SMAD7: variants seen among roughly 807,000 people sequenced by gnomAD.
The protein encoded by SMAD7 is SMAD family member 7, also known as MAD (mothers against decapentaplegic, Drosophila) homolog 7.
Under a neutral mutation model 38.7 loss-of-function variants are expected in SMAD7, and 8 were observed. The observed-to-expected ratio is 0.21, with a 90% CI of 0.12 to 0.37. The LOEUF (loss-of-function observed/expected upper bound fraction) is 0.37, where lower values mean the gene tolerates loss of function less well. Ranked by LOEUF, SMAD7 falls within the 10% of genes least tolerant of loss-of-function variation. SMAD7 has a pLI of 1.00. For missense variants in SMAD7, 477 were observed against 577.9 expected (o/e 0.83, Z 1.79); for synonymous variants, 327 against 265.1 (o/e 1.23, Z -2.27).
In SMAD7 at chr18:48,921,066, C is replaced by A. The variant is rs932704016; in HGVS notation, c.*306G>T. 7.6e-6 allele frequency: 3 copies of A among 393,920 alleles called. No individual in the cohort carries two copies. Among genetic ancestry groups the A allele is most frequent in the Admixed American group, 4.3e-5 (1 of 23,346 alleles). 24.4% of individuals were successfully genotyped at this position (393,920 alleles called of 1,614,324 possible). ...TGACAAGTGAAATGATGACCGCCCC[C>A]CTTCATACACTGTGTTTGGTGGTGC... On this transcript the variant is annotated 3_prime_UTR_variant, in exon 4 of 4. Coordinates refer to ENST00000262158, the MANE Select transcript of SMAD7 (RefSeq NM_005904.4). The surrounding 1 kb of genome is among the most constrained non-coding windows in gnomAD (Gnocchi z 6.4).
rs1321570381 is a variant in SMAD7, at chr18:48,920,250, T to A, written c.*1122A>T. ...CCTTTGTAGTTAGAAAAATAGCTTA[T>A]GTTAAAGTCTAAACATGCTCATTGA... On this transcript the variant is annotated 3_prime_UTR_variant, in exon 4 of 4. Coordinates refer to ENST00000262158, the MANE Select transcript of SMAD7 (RefSeq NM_005904.4). 1 of 152,676 alleles carries A rather than the reference T, an allele frequency of 6.5e-6. No individual in the cohort carries two copies. Among genetic ancestry groups the A allele is most frequent in the Non-Finnish European group, 1.5e-5 (1 of 68,038 alleles). 9.5% of individuals were successfully genotyped at this position (152,676 alleles called of 1,614,324 possible).
At chr18:48,922,679 C>A (rs191675405) in intron 3 of SMAD7, among the ~76,000 whole-genome samples, 1 of 152,264 alleles carries the variant, frequency 6.6e-6, no homozygotes. Flanking sequence ...CTTAACAAAG[C>A]TTCCTCCAGC....
At chr18:48,929,598 C>T (rs1378565466) in intron 3 of SMAD7, among the ~76,000 whole-genome samples, 2 of 150,484 alleles carry the variant, frequency 1.3e-5, no homozygotes, top group African/African-American at 4.9e-5. Flanking sequence ...CACACACACA[C>T]GTTAAAGCAT....
intron 3 of SMAD7, among the ~76,000 whole-genome samples, chr18:48,938,002 G>A (rs1568302914): frequency 6.6e-6 from 1 of 152,160 alleles, no homozygotes; most frequent in Non-Finnish European, 1.5e-5. Context: ...CCAGGCCCAG[G>A]TTCCCAGTTC....
intron 2 of SMAD7, 93 bp from the exon 3 acceptor site, chr18:48,942,648 A>AAACC: frequency 6.2e-7 from 1 of 1,600,274 alleles, no homozygotes; most frequent in Non-Finnish European, 8.5e-7. Flanking sequence ...CATGAAAGAC[A>AAACC]AACCACACAT....
chr18:48,934,183 C>T (rs1054233142), intron 3 of SMAD7, among the ~76,000 whole-genome samples: 2 of 152,164 alleles, frequency 1.3e-5, no homozygotes, highest in African/African-American at 4.8e-5. Context: ...CATATCACTC[C>T]TTCCTCCAAA....
At chr18:48,923,466 C>A (rs1312419256) in intron 3 of SMAD7, among the ~76,000 whole-genome samples, 1 of 151,334 alleles carries the variant, frequency 6.6e-6, no homozygotes, top group Admixed American at 6.6e-5. Flanking sequence ...TGGCTCCACT[C>A]AGTTGTTGTT....
chr18:48,942,934 G>GCT, intron 2 of SMAD7: 1 of 273,500 alleles, frequency 3.7e-6, no homozygotes, highest in Non-Finnish European at 6.3e-6. Flanking sequence ...AGGGCAGAAG[G>GCT]CTCTCTCCTT....
chr18:48,930,780 CAG>C (rs1421064370), intron 3 of SMAD7, among the ~76,000 whole-genome samples: 1 of 152,206 alleles, frequency 6.6e-6, no homozygotes, highest in East Asian at 1.9e-4. Flanking sequence ...AAATTAAACA[CAG>C]AATGACAGTG....
intron 3 of SMAD7, among the ~76,000 whole-genome samples, chr18:48,933,361 G>A (rs1020981178): frequency 6.6e-6 from 1 of 152,056 alleles, no homozygotes; most frequent in Non-Finnish European, 1.5e-5. Context: ...CCCTCCCGCC[G>A]GCTCCATCCC....
At chr18:48,932,220 C>T (rs908710749) in intron 3 of SMAD7, among the ~76,000 whole-genome samples, 1 of 152,136 alleles carries the variant, frequency 6.6e-6, no homozygotes, top group Non-Finnish European at 1.5e-5. Flanking sequence ...AGACACTTAA[C>T]AGCTTCATGA....
At position 48,921,489 on chromosome 18, in the gene SMAD7, C is replaced by T; in HGVS notation, c.1164G>A (p.Gln388=). The part of the protein sequence containing the change: ...QRPNDHEFMQ[Q]PWTGFTVQIS... ...TCTGCACGGTAAAGCCCGTCCACGGCTGCTGCATAAACTCGTGGTCATTGG... is the reference window on the plus strand; with the variant it reads ...TCTGCACGGTAAAGCCCGTCCACGGTTGCTGCATAAACTCGTGGTCATTGG... Residue 388 remains glutamine, a synonymous_variant, in exon 4 of 4, where the codon CAG becomes CAA. Transcript: ENST00000262158. This position sits in a 1 kb window ranked among gnomAD's most constrained non-coding sequence, Gnocchi z 6.4. 6 of 1,614,238 alleles carry T rather than the reference C, an allele frequency of 3.7e-6. No individual in the cohort carries two copies. The highest frequency in any genetic ancestry group is 2.2e-5 in the East Asian group (1 of 44,886).
rs1056058100 is a variant in SMAD7, at chr18:48,950,614, CGGGGCGCGCGCG to C, written c.-202_-191del. 1 of 300,230 alleles carries C rather than the reference CGGGGCGCGCGCG, an allele frequency of 3.3e-6. No homozygotes were observed. The highest frequency in any genetic ancestry group is 2.2e-5 in the African/African-American group (1 of 44,656). The allele number at this position is 300,230 out of a possible 1,614,324, so 18.6% of individuals were successfully genotyped here. On this transcript the variant is annotated 5_prime_UTR_variant, in exon 1 of 4. Transcript: ENST00000262158. ...TGGCATGCGCCAGTCTCCCGGAGGC[CGGGGCGCGCGCG>C]GGGGCCCGGGGGCGCCCGCCGGGGA...
At chr18:48,940,223 G>A (rs1599231809) in intron 3 of SMAD7, among the ~76,000 whole-genome samples, 1 of 152,158 alleles carries the variant, frequency 6.6e-6, no homozygotes. Flanking sequence ...GAAGCCTTTG[G>A]AATTAGTAAA....
In SMAD7 at chr18:48,949,753, G is replaced by A; in HGVS notation, c.613+59C>T. On this transcript the variant is annotated intron_variant, in intron 1 of 3. Transcript: ENST00000262158. Reference sequence around the variant, plus strand: ...GCTGCACAAACGCACTGCCCTAGGGGCTTTTCTTCCAGCACTGGCGCTCCG... The same window carrying A: ...GCTGCACAAACGCACTGCCCTAGGGACTTTTCTTCCAGCACTGGCGCTCCG... 3.3e-6 allele frequency: 5 copies of A among 1,505,918 alleles called. No individual in the cohort carries two copies. The South Asian group carries it at 6.7e-5, about 20-fold the overall frequency. The allele number at this position is 1,505,918 out of a possible 1,614,324, so 93.3% of individuals were successfully genotyped here.
chr18:48,946,476 G>A (rs2070197155), intron 2 of SMAD7, among the ~76,000 whole-genome samples: 1 of 152,038 alleles, frequency 6.6e-6, no homozygotes, highest in African/African-American at 2.4e-5. Flanking sequence ...CTCCAATGTG[G>A]CAGGACAATT....
intron 3 of SMAD7, among the ~76,000 whole-genome samples, chr18:48,937,490 A>G (rs1040676707): frequency 6.6e-6 from 1 of 152,124 alleles, no homozygotes; most frequent in Non-Finnish European, 1.5e-5. Context: ...GAGATTTTAA[A>G]TGCTGTCACC....
At position 48,950,570 on chromosome 18, in the gene SMAD7, C is replaced by T. The variant is rs1352555584; in HGVS notation, c.-146G>A. The T allele has an allele frequency of 2.9e-6, 2 of 700,270 alleles. No individual in the cohort carries two copies. Among genetic ancestry groups the T allele is most frequent in the Non-Finnish European group, 4.1e-6 (2 of 485,096 alleles). The allele number at this position is 700,270 out of a possible 1,614,324, so 43.4% of individuals were successfully genotyped here. On this transcript the variant is annotated 5_prime_UTR_variant, in exon 1 of 4. Coordinates refer to ENST00000262158, the MANE Select transcript of SMAD7 (RefSeq NM_005904.4). Reference sequence around the variant, plus strand: ...GCAGGGGCCCGGGCAGGAGCGGCGGCGGCCCGAGGGGCGCTCCGTGGCATG... The same window carrying T: ...GCAGGGGCCCGGGCAGGAGCGGCGGTGGCCCGAGGGGCGCTCCGTGGCATG...
At position 48,950,297 on chromosome 18, in the gene SMAD7, G is replaced by C; in HGVS notation, c.128C>G (p.Thr43Arg). The C allele has an allele frequency of 6.5e-7, 1 of 1,531,248 alleles. No individual in the cohort carries two copies. Among genetic ancestry groups the C allele is most frequent in the Non-Finnish European group, 8.8e-7 (1 of 1,140,230 alleles). The allele number at this position is 1,531,248 out of a possible 1,614,324, so 94.9% of individuals were successfully genotyped here. A position where few individuals can be genotyped will look rare whatever the true frequency, so the allele number is the denominator to read the frequency against. Residue 43 changes from threonine (T) to arginine (R), a missense_variant, in exon 1 of 4, where the codon ACG becomes AGG. Physicochemically the swap from Thr to Arg is moderately conservative, Grantham distance 71. Transcript: ENST00000262158. ...GGGELRGEGA[T>R]DSRAHGAGGG... ...ACCGGCCCCATGCGCTCGGCTGTCC[G>C]TCGCCCCTTCTCCCCGCAGCTCGCC...
Sources: allele counts gnomAD v4.1 joint callset (sites outside exome capture counted in the v4.1 genomes callset), GRCh38; gene constraint gnomAD v4.1.1; non-coding constraint Gnocchi (gnomAD v3.1); transcripts MANE v1.5; gene names NCBI Gene and HGNC (gene_info 2026-07-23, HGNC 2026-07-21).